PSMB7: variants seen among roughly 807,000 people sequenced by gnomAD.
PSMB7 encodes proteasome subunit beta type-7.
In PSMB7, 5 loss-of-function variants were observed where a neutral mutation model predicts 28.1. That is an observed-to-expected ratio of 0.18 (90% CI 0.09 to 0.37). The LOEUF is 0.37. Among genes scored for constraint, PSMB7 ranks in the 10% least tolerant of loss-of-function variants. The pLI is 1.00. For synonymous variants in PSMB7, 122 were observed against 123.7 expected (o/e 0.99, Z 0.09); for missense variants, 275 against 346.2 (o/e 0.79, Z 1.63).
intron 6 of PSMB7, among the ~76,000 whole-genome samples, chr9:124,373,916 C>A (rs191679266): frequency 2.1e-3 from 321 of 152,288 alleles, no homozygotes; most frequent in Admixed American, 3.5e-3. Context: ...CAAGAGAAAT[C>A]ATAACATATG....
intron 5 of PSMB7, among the ~76,000 whole-genome samples, chr9:124,388,337 G>A (rs1830746723): frequency 6.6e-6 from 1 of 152,240 alleles, no homozygotes; most frequent in Admixed American, 6.5e-5. Flanking sequence ...AGGCAGGTCA[G>A]AGAGGACGTG....
rs147195835 is a variant in PSMB7, at chr9:124,415,184, G to A, written c.62+180C>T. 54 of 692,818 alleles carry A rather than the reference G, an allele frequency of 7.8e-5. No individual in the cohort carries two copies. The East Asian group carries it at 1.4e-3, about 18-fold the overall frequency. The allele number at this position is 692,818 out of a possible 1,614,324, so 42.9% of individuals were successfully genotyped here. On this transcript the variant is annotated intron_variant, in intron 1 of 7. Transcript: ENST00000259457. ...AGTGCGCTGGGAAGGTGGGAGAGCA[G>A]ACCCGGCTTCAGGAGAAACCCACGC...
chr9:124,409,526 C>T (rs1253329417), intron 4 of PSMB7, among the ~76,000 whole-genome samples: 3 of 152,182 alleles, frequency 2.0e-5, no homozygotes, highest in Non-Finnish European at 4.4e-5. Flanking sequence ...GACATCACTT[C>T]TGCTTATCAA....
chr9:124,401,779 G>C (rs886614992), intron 5 of PSMB7, among the ~76,000 whole-genome samples: 7 of 152,186 alleles, frequency 4.6e-5, no homozygotes, highest in Non-Finnish European at 1.5e-5. Context: ...CTAGCACTTT[G>C]GGAGGCAGAG....
At chr9:124,398,391 A>G (rs1286011436) in intron 5 of PSMB7, 1 of 234,578 alleles carries the variant, frequency 4.3e-6, no homozygotes, top group Non-Finnish European at 9.5e-6. Flanking sequence ...GAAAGAAACT[A>G]AGAGAGCCAC....
intron 6 of PSMB7, among the ~76,000 whole-genome samples, chr9:124,361,303 C>T (rs1830463796): frequency 6.6e-6 from 1 of 152,200 alleles, no homozygotes; most frequent in African/African-American, 2.4e-5. Flanking sequence ...CACAATGTGT[C>T]CCTGGACTCC....
chr9:124,382,861 T>C (rs1830682273), intron 6 of PSMB7, among the ~76,000 whole-genome samples: 1 of 152,252 alleles, frequency 6.6e-6, no homozygotes, highest in Non-Finnish European at 1.5e-5. Flanking sequence ...TTAAAGTCAC[T>C]TCTAATGTAC....
In PSMB7 at chr9:124,356,976, G is replaced by A. The variant is rs61166850; in HGVS notation, c.571-61C>T. 3.1e-3 allele frequency: 4,872 copies of A among 1,593,026 alleles called. 132 individuals are homozygous for A. The African/African-American group carries it at 0.053, about 17-fold the overall frequency. ...CAAACTAGGGCCTGCTCTGACATCCGCAATGTACGTCCACTAGCAGTGCGC... is the reference window on the plus strand; with the variant it reads ...CAAACTAGGGCCTGCTCTGACATCCACAATGTACGTCCACTAGCAGTGCGC... On this transcript the variant is annotated intron_variant, in intron 6 of 7. Coordinates refer to ENST00000259457, the MANE Select transcript of PSMB7 (RefSeq NM_002799.4). The surrounding 1 kb of genome is among the most constrained non-coding windows in gnomAD (Gnocchi z 4.4).
rs371285882 is a variant in PSMB7, at chr9:124,356,329, C to T, written c.722+435G>A. Among the ~76,000 whole-genome samples, 7 of 152,224 alleles carry T rather than the reference C, an allele frequency of 4.6e-5. No homozygotes were observed. Among genetic ancestry groups the T allele is most frequent in the African/African-American group, 1.7e-4 (7 of 41,464 alleles). On this transcript the variant is annotated intron_variant, in intron 7 of 7. Coordinates refer to ENST00000259457, the MANE Select transcript of PSMB7 (RefSeq NM_002799.4). The surrounding 1 kb of genome is among the most constrained non-coding windows in gnomAD (Gnocchi z 4.4). ...CTGTAGCACAGCACACACACACTAG[C>T]TCCCAAGGCCACCTCTGGGAGGCTG... is the stretch of plus-strand genomic sequence containing the variant.
At position 124,412,422 on chromosome 9, in the gene PSMB7, G is replaced by A. The variant is rs765644916; in HGVS notation, c.325C>T (p.His109Tyr). Reference sequence around the variant, plus strand: ...GGAAGACGGCCAGTGGAGAGGGAGTGGAGCTCCAGGTTGGAAGAAATGAGC... The same window carrying A: ...GGAAGACGGCCAGTGGAGAGGGAGTAGAGCTCCAGGTTGGAAGAAATGAGC... ...TQLISSNLEL[H>Y]SLSTGRLPRV... The change falls in exon 4 of 8, where the codon CAC becomes TAC. Residue 109 changes from histidine to tyrosine, a missense_variant. Physicochemically the swap from His to Tyr is moderately conservative, Grantham distance 83. This residue lies in a region of PSMB7 where 213 missense variants were observed against 302.4 expected (regional missense o/e 0.70). Transcript: ENST00000259457. The A allele has an allele frequency of 1.2e-6, 2 of 1,614,074 alleles. No individual in the cohort carries two copies. Among genetic ancestry groups the A allele is most frequent in the East Asian group, 2.2e-5 (1 of 44,880 alleles).
Position 124,356,749 on chromosome 9 carries a change from G to A in PSMB7, c.722+15C>T, listed in dbSNP as rs767788093. The stretch of plus-strand genomic sequence containing the variant: ...CGCCAGGGGACCCAGGAAGAACTTC[G>A]TCTCCTTCACTCACCTGGTCCCCTT... On this transcript the variant is annotated intron_variant, in intron 7 of 7. Coordinates refer to ENST00000259457, the MANE Select transcript of PSMB7 (RefSeq NM_002799.4). This position sits in a 1 kb window ranked among gnomAD's most constrained non-coding sequence, Gnocchi z 4.4. The A allele has an allele frequency of 1.1e-5, 18 of 1,603,546 alleles. No individual in the cohort carries two copies. The highest frequency in any genetic ancestry group is 1.7e-4 in the Middle Eastern group (1 of 6,016).
chr9:124,357,565 A>G (rs1489350916), intron 6 of PSMB7, among the ~76,000 whole-genome samples: 1 of 152,232 alleles, frequency 6.6e-6, no homozygotes, highest in East Asian at 1.9e-4. Context: ...TAAGGAACCT[A>G]TAGGTTCACT....
chr9:124,412,111 A>G (rs139624738), intron 4 of PSMB7, among the ~76,000 whole-genome samples: 17 of 152,304 alleles, frequency 1.1e-4, no homozygotes, highest in African/African-American at 4.1e-4. Flanking sequence ...TAATATCCCT[A>G]TGCTCCAGGA....
At chr9:124,381,977 C>T (rs985502686) in intron 6 of PSMB7, among the ~76,000 whole-genome samples, 6 of 151,814 alleles carry the variant, frequency 4.0e-5, no homozygotes, top group African/African-American at 1.2e-4. Flanking sequence ...AAGTGATTTT[C>T]AGCCGGGCAT....
chr9:124,353,732 A>G, intron 7 of PSMB7, 23 bp from the exon 8 acceptor site: 1 of 1,551,368 alleles, frequency 6.4e-7, no homozygotes. Context: ...AAACAAAAGC[A>G]CAGAGTTAGG....
chr9:124,380,786 T>G (rs1830656193), intron 6 of PSMB7, among the ~76,000 whole-genome samples: 1 of 152,212 alleles, frequency 6.6e-6, no homozygotes, highest in South Asian at 2.1e-4. Flanking sequence ...ATGTAAATTA[T>G]ACCTTAATTT....
intron 4 of PSMB7, among the ~76,000 whole-genome samples, chr9:124,408,384 T>C (rs1830990175): frequency 6.6e-6 from 1 of 152,086 alleles, no homozygotes; most frequent in African/African-American, 2.4e-5. Context: ...GTTCCAAAGG[T>C]TCGTAGAATA....
At chr9:124,397,379 A>G (rs140120391) in intron 5 of PSMB7, among the ~76,000 whole-genome samples, 3 of 152,358 alleles carry the variant, frequency 2.0e-5, no homozygotes, top group Admixed American at 1.3e-4. Flanking sequence ...TAGTCTCCCA[A>G]ATAAACTCTC....
At chr9:124,380,461 A>G in intron 6 of PSMB7, among the ~76,000 whole-genome samples, 1 of 152,178 alleles carries the variant, frequency 6.6e-6, no homozygotes, top group East Asian at 1.9e-4. Context: ...AGATCACTTG[A>G]GCCTGGGAAG....
Sources: gnomAD v4.1 joint callset for allele counts (sites outside exome capture counted in the v4.1 genomes callset) on GRCh38, gnomAD v4.1.1 for gene constraint, gnomAD v4.1.1 regional missense constraint, Gnocchi (gnomAD v3.1) non-coding constraint, MANE v1.5 for transcripts, NCBI Gene and HGNC (gene_info 2026-07-23, HGNC 2026-07-21) for gene names.